Variants in DTNB observed in about 807,000 individuals in gnomAD.
DTNB encodes dystrobrevin beta.
A neutral mutation model predicts 90.7 loss-of-function variants in DTNB; 63 were observed. That is an observed-to-expected ratio of 0.69 (90% CI 0.57 to 0.86). The LOEUF (loss-of-function observed/expected upper bound fraction) is 0.86. DTNB is among the 40% of genes least tolerant of loss of function. The probability of loss-of-function intolerance (pLI) is 0.00; values close to 1 mark genes in which losing one functional copy is unlikely to be tolerated. For synonymous variants in DTNB, 277 were observed against 286.7 expected (o/e 0.97, Z 0.34); for missense variants, 744 against 807.1 (o/e 0.92, Z 0.95).
intron 9 of DTNB, among the ~76,000 whole-genome samples, chr2:25,507,157 C>T (rs927349144): frequency 6.6e-6 from 1 of 152,320 alleles, no homozygotes; most frequent in African/African-American, 2.4e-5. Context: ...TTCCAAACCA[C>T]ACATATCCCT....
rs565490134 is a variant in DTNB, at chr2:25,416,140, C to T, written c.1575+3375G>A. On this transcript the variant is annotated intron_variant, in intron 16 of 20. Coordinates refer to ENST00000406818, the MANE Select transcript of DTNB (RefSeq NM_021907.5). ...GTCAGAATTGAATTAAATCGTAGGA[C>T]ACCCAGCTGGTGTCTGCAGAGAACT... Among the ~76,000 whole-genome samples, 11 of 152,316 alleles carry T rather than the reference C, an allele frequency of 7.2e-5. No homozygotes were observed. The South Asian group carries it at 1.9e-3, about 26-fold the overall frequency.
chr2:25,477,131 AT>A (rs1480531257), intron 10 of DTNB, among the ~76,000 whole-genome samples: 1 of 152,176 alleles, frequency 6.6e-6, no homozygotes, highest in Non-Finnish European at 1.5e-5. Context: ...GATCATTAGC[AT>A]TTTTTAGCAA....
At chr2:25,456,304 C>A (rs2060018041) in intron 10 of DTNB, among the ~76,000 whole-genome samples, 1 of 152,136 alleles carries the variant, frequency 6.6e-6, no homozygotes, top group Non-Finnish European at 1.5e-5. Context: ...AAAGCAAACC[C>A]CAGGCAATTA....
chr2:25,441,675 C>T (rs1213420205), intron 12 of DTNB, among the ~76,000 whole-genome samples: 2 of 152,196 alleles, frequency 1.3e-5, no homozygotes, highest in African/African-American at 4.8e-5. Context: ...TCTTGATCAC[C>T]TCTGAAGTAA....
intron 3 of DTNB, among the ~76,000 whole-genome samples, chr2:25,635,574 A>G (rs1237730724): frequency 1.3e-5 from 2 of 152,204 alleles, no homozygotes; most frequent in Non-Finnish European, 2.9e-5. Flanking sequence ...CAATATGTCA[A>G]TTCTCCCCAA....
intron 4 of DTNB, among the ~76,000 whole-genome samples, chr2:25,612,265 C>A (rs1327553002): frequency 6.6e-6 from 1 of 151,866 alleles, no homozygotes; most frequent in African/African-American, 2.4e-5. Flanking sequence ...AGGTATAGAA[C>A]AAAATAATTG....
At chr2:25,480,357 A>G (rs2064681473) in intron 10 of DTNB, among the ~76,000 whole-genome samples, 2 of 152,212 alleles carry the variant, frequency 1.3e-5, no homozygotes, top group African/African-American at 4.8e-5. Context: ...TAATTCCACC[A>G]GAAAGAGTGG....
intron 10 of DTNB, among the ~76,000 whole-genome samples, chr2:25,479,835 T>C (rs139797398): frequency 3.3e-5 from 5 of 152,350 alleles, no homozygotes; most frequent in East Asian, 1.9e-4. Context: ...CATTCAGTGA[T>C]TGACGTCTTA....
At chr2:25,601,160 G>T (rs1197751523) in intron 5 of DTNB, among the ~76,000 whole-genome samples, 1 of 151,790 alleles carries the variant, frequency 6.6e-6, no homozygotes, top group South Asian at 2.1e-4. Flanking sequence ...ACATATAAAA[G>T]GATCTTATCA....
chr2:25,386,116 G>T (rs2039402058), intron 18 of DTNB: 4 of 985,464 alleles, frequency 4.1e-6, no homozygotes, highest in Admixed American at 6.1e-5. Flanking sequence ...AACAGTGCTA[G>T]AATGGAGAGG....
At chr2:25,410,698 C>CG (rs564054921) in intron 16 of DTNB, among the ~76,000 whole-genome samples, 37 of 152,004 alleles carry the variant, frequency 2.4e-4, no homozygotes, top group East Asian at 2.3e-3. Context: ...CATGACGAGG[C>CG]GGGGGGGCAA....
At chr2:25,471,309 G>C (rs770521890) in intron 10 of DTNB, among the ~76,000 whole-genome samples, 1 of 151,710 alleles carries the variant, frequency 6.6e-6, no homozygotes, top group Non-Finnish European at 1.5e-5. Context: ...GCGGGGTCTC[G>C]TCTTGATGAA....
chr2:25,412,843 T>C (rs368595317), intron 16 of DTNB, among the ~76,000 whole-genome samples: 17 of 152,142 alleles, frequency 1.1e-4, no homozygotes, highest in African/African-American at 2.2e-4. Context: ...CAGACTAGGA[T>C]TGGGATATTG....
intron 16 of DTNB, among the ~76,000 whole-genome samples, chr2:25,402,244 C>T (rs1430636739): frequency 2.6e-5 from 4 of 152,050 alleles, no homozygotes; most frequent in Non-Finnish European, 5.9e-5. Context: ...TGGAAATAAC[C>T]GCCTCACACG....
intron 4 of DTNB, among the ~76,000 whole-genome samples, chr2:25,618,017 T>C (rs565711427): frequency 6.6e-6 from 1 of 152,308 alleles, no homozygotes; most frequent in East Asian, 1.9e-4. Flanking sequence ...ACGTTACTTA[T>C]ATTTTTCCCT....
intron 14 of DTNB, among the ~76,000 whole-genome samples, chr2:25,430,137 A>G (rs1472023068): frequency 1.3e-5 from 2 of 152,032 alleles, no homozygotes; most frequent in African/African-American, 2.4e-5. Flanking sequence ...GGTATTATAT[A>G]TGTAAAATCT....
At chr2:25,558,944 G>A (rs548676961) in intron 8 of DTNB, among the ~76,000 whole-genome samples, 2 of 152,232 alleles carry the variant, frequency 1.3e-5, no homozygotes, top group South Asian at 4.1e-4. Context: ...TCGAATGGGA[G>A]AGTTTCAGAG....
rs140730853 is a variant in DTNB at position 25,485,933 on chromosome 2, C to A, written c.1002-3060G>T. Among the ~76,000 whole-genome samples, 232 of 151,752 alleles carry A rather than the reference C, an allele frequency of 1.5e-3. 7 individuals are homozygous for A. The East Asian group carries it at 0.036, about 23-fold the overall frequency. ...GGTCAGGAGTTCAAGACCAGCCTGG[C>A]CAAGATGTTGAAACCCCATCTCTAC... is the stretch of plus-strand genomic sequence containing the variant. On this transcript the variant is annotated intron_variant, in intron 9 of 20. Coordinates refer to ENST00000406818, the MANE Select transcript of DTNB (RefSeq NM_021907.5).
intron 9 of DTNB, among the ~76,000 whole-genome samples, chr2:25,514,002 A>C (rs200043660): frequency 1.3e-4 from 11 of 84,984 alleles, no homozygotes; most frequent in African/African-American, 3.5e-4. Flanking sequence ...TTTGGTGGGG[A>C]AAAAAAAAAA....
Sources: allele counts gnomAD v4.1 joint callset (sites outside exome capture counted in the v4.1 genomes callset), GRCh38; gene constraint gnomAD v4.1.1; transcripts MANE v1.5; gene names NCBI Gene and HGNC (gene_info 2026-07-23, HGNC 2026-07-21).